Variants in KIF7 observed in about 807,000 individuals in gnomAD.
KIF7 encodes the protein kinesin family member 7.
A neutral mutation model predicts 135.7 loss-of-function variants in KIF7; 104 were observed. The observed-to-expected ratio is 0.77, with a 90% CI of 0.65 to 0.90. The LOEUF is 0.90. Ranked by LOEUF, KIF7 falls within the 40% of genes least tolerant of loss-of-function variation. The pLI, the probability that KIF7 is intolerant of heterozygous loss-of-function variation, is 0.00. For synonymous variants in KIF7, 883 were observed against 809.4 expected, an observed-to-expected ratio of 1.09 and a Z score of -1.54; for missense variants, 2,005 against 1,839.1, an observed-to-expected ratio of 1.09 and a Z score of -1.65.
intron 15 of KIF7, chr15:89,630,886 G>C: frequency 2.8e-6 from 1 of 362,536 alleles, no homozygotes; most frequent in South Asian, 2.3e-5. Flanking sequence ...GCAAACATCA[G>C]AATATACTCA....
intron 11 of KIF7, among the ~76,000 whole-genome samples, chr15:89,635,586 T>G (rs1456788683): frequency 6.6e-6 from 1 of 152,190 alleles, no homozygotes; most frequent in African/African-American, 2.4e-5. Context: ...AGTGATGGAA[T>G]ATGAAGTGAA....
downstream of KIF7, chr15:89,625,130 T>C (rs766123321): frequency 1.6e-5 from 26 of 1,613,858 alleles, no homozygotes; most frequent in East Asian, 5.6e-4. Flanking sequence ...GCTCTCAGCA[T>C]GCCCAGGGCC....
Position 89,646,813 on chromosome 15 carries a change from C to A in KIF7, c.1788+17G>T, listed in dbSNP as rs1356001469. 25 of 1,612,194 alleles carry A rather than the reference C, an allele frequency of 1.6e-5. No homozygotes were observed. The highest frequency in any genetic ancestry group is 2.0e-5 in the Non-Finnish European group (24 of 1,178,820). ...TCCAGCAGGGCCCACAGACACCCAG[C>A]CTCACCCTCTTCTCACCTCTCCCCT... On this transcript the variant is annotated intron_variant, in intron 7 of 18. Coordinates refer to ENST00000394412, the MANE Select transcript of KIF7 (RefSeq NM_198525.3).
At chr15:89,640,388 G>A (rs1963896774) in intron 11 of KIF7, among the ~76,000 whole-genome samples, 1 of 152,146 alleles carries the variant, frequency 6.6e-6, no homozygotes, top group Admixed American at 6.5e-5. Flanking sequence ...AGAGCTCTGT[G>A]TATATTAAAT....
intron 11 of KIF7, among the ~76,000 whole-genome samples, chr15:89,634,109 G>T (rs1203352460): frequency 1.3e-5 from 2 of 152,138 alleles, no homozygotes. Flanking sequence ...GACCAACCTG[G>T]CCAACATAGT....
At chr15:89,640,148 G>T (rs1415522530) in intron 11 of KIF7, among the ~76,000 whole-genome samples, 3 of 151,772 alleles carry the variant, frequency 2.0e-5, no homozygotes, top group Non-Finnish European at 2.9e-5. Flanking sequence ...GTTGTGGGGT[G>T]GGGGGAGTGG....
At chr15:89,652,521 G>A (rs1460006701) in intron 2 of KIF7, 82 bp downstream of exon 2, 10 of 1,080,134 alleles carry the variant, frequency 9.3e-6, no homozygotes, top group African/African-American at 1.6e-5. Flanking sequence ...CACAGAACAG[G>A]CAGCAAGAGG....
chr15:89,642,159 G>A (rs768920810), intron 11 of KIF7, 44 bp downstream of exon 11: 2 of 1,585,668 alleles, frequency 1.3e-6, no homozygotes, highest in Admixed American at 1.7e-5. Flanking sequence ...AGCCTAGGAG[G>A]CAGGAGTCAC....
downstream of KIF7, among the ~76,000 whole-genome samples, chr15:89,626,691 T>A (rs560806685): frequency 6.6e-6 from 1 of 152,206 alleles, no homozygotes; most frequent in African/African-American, 2.4e-5. Flanking sequence ...CTAGAAAGAA[T>A]ACAGGATATT....
At chr15:89,657,184 T>G (rs1315331137), upstream of KIF7, among the ~76,000 whole-genome samples, 1 of 151,954 alleles carries the variant, frequency 6.6e-6, no homozygotes, top group African/African-American at 2.4e-5. Context: ...CATGGGCCTA[T>G]AGTCCCAGCT....
downstream of KIF7, chr15:89,625,901 G>C: frequency 6.5e-7 from 1 of 1,545,668 alleles, no homozygotes; most frequent in Non-Finnish European, 8.7e-7. Flanking sequence ...TTGGGGGTCT[G>C]GGGACGCTGC....
chr15:89,632,922 C>T lies in KIF7; in HGVS notation c.2793G>A (p.Glu931=). 1 of 1,607,350 alleles carries T rather than the reference C, an allele frequency of 6.2e-7. No homozygotes were observed. The highest frequency in any genetic ancestry group is 8.5e-7 in the Non-Finnish European group (1 of 1,177,662). Residue 931 remains glutamate (E), a synonymous_variant, in exon 14 of 19, where the codon GAG becomes GAA. Coordinates refer to ENST00000394412, the MANE Select transcript of KIF7 (RefSeq NM_198525.3). ...CCCGCTTGTGGAGCTCCTCCCCCAG[C>T]TCCTCCAGCGCCCGCCGCTGCTGTA... ...KVLQQRRALE[E]LGEELHKREA... is the part of the protein sequence containing the mutation.
In KIF7 at chr15:89,648,705, G is replaced by A. The variant is rs1365475877; in HGVS notation, c.993C>T (p.Ser331=). Residue 331 remains serine, a synonymous_variant, in exon 5 of 19, where the codon TCC becomes TCT. Transcript: ENST00000394412. ...VMIACVSPSS[S]DFDETLNTLN... is the part of the protein sequence containing the mutation. The stretch of plus-strand genomic sequence containing the variant: ...GGGTGTTGAGGGTCTCGTCGAAGTC[G>A]GAGGAGGAAGGGCTGACGCAGGCGA... 6.5e-7 allele frequency: 1 copy of A among 1,536,270 alleles called. No individual in the cohort carries two copies. Among genetic ancestry groups the A allele is most frequent in the Non-Finnish European group, 8.7e-7 (1 of 1,146,502 alleles).
upstream of KIF7, among the ~76,000 whole-genome samples, chr15:89,657,372 T>C (rs115299877): frequency 0.018 from 2,709 of 150,986 alleles, 87 homozygotes; most frequent in African/African-American, 0.062. Context: ...ATTATAGTAA[T>C]TAAATTGTAG....
chr15:89,635,026 T>C (rs999496694), intron 11 of KIF7, among the ~76,000 whole-genome samples: 16 of 152,130 alleles, frequency 1.1e-4, no homozygotes, highest in Non-Finnish European at 2.1e-4. Context: ...ACCCCTGACC[T>C]CCGAGCAGCC....
chr15:89,631,817 C>G (rs549209233), intron 14 of KIF7, 107 bp from the exon 15 acceptor site: 382 of 937,774 alleles, frequency 4.1e-4, no homozygotes, highest in Admixed American at 7.2e-4. Flanking sequence ...CCTCAAGAAA[C>G]CAACACTCCA....
chr15:89,637,507 A>G (rs1288393040), intron 11 of KIF7, among the ~76,000 whole-genome samples: 1 of 152,220 alleles, frequency 6.6e-6, no homozygotes, highest in African/African-American at 2.4e-5. Flanking sequence ...GATCCCACAG[A>G]AATACAGACT....
chr15:89,632,928 C>G lies in KIF7; in HGVS notation c.2787G>C (p.Leu929=), dbSNP rs775869714. The change falls in exon 14 of 19, where the codon CTG becomes CTC. Residue 929 remains leucine, a synonymous_variant. Coordinates refer to ENST00000394412, the MANE Select transcript of KIF7 (RefSeq NM_198525.3). Reference sequence around the variant, plus strand: ...TGTGGAGCTCCTCCCCCAGCTCCTCCAGCGCCCGCCGCTGCTGTAGCACCT... The same window carrying G: ...TGTGGAGCTCCTCCCCCAGCTCCTCGAGCGCCCGCCGCTGCTGTAGCACCT... The part of the protein sequence containing the change: ...MEKVLQQRRA[L]EELGEELHKR... 2.5e-6 allele frequency: 4 copies of G among 1,604,704 alleles called. No homozygotes were observed. The South Asian group carries it at 4.4e-5, about 18-fold the overall frequency.
chr15:89,649,527 G>C (rs1037371372), intron 3 of KIF7, among the ~76,000 whole-genome samples, 160 bp from the exon 4 acceptor site: 26 of 152,266 alleles, frequency 1.7e-4, no homozygotes, highest in African/African-American at 6.3e-4. Context: ...GGCTTGAGGG[G>C]CTCCGGCTTC....
Sources: gnomAD v4.1 joint callset for allele counts (sites outside exome capture counted in the v4.1 genomes callset) on GRCh38, gnomAD v4.1.1 for gene constraint, MANE v1.5 for transcripts, NCBI Gene and HGNC (gene_info 2026-07-23, HGNC 2026-07-21) for gene names.